FAM107B: variants seen among roughly 807,000 people sequenced by gnomAD.
FAM107B encodes the protein family with sequence similarity 107 member B, also known as protein FAM107B.
A neutral mutation model predicts 31.5 loss-of-function variants in FAM107B; 21 were observed. The ratio of observed to expected loss-of-function variants is 0.67; its 90% CI spans 0.47 to 0.96. The LOEUF is 0.96. Among genes scored for constraint, FAM107B ranks in the 40% least tolerant of loss-of-function variants. The probability of loss-of-function intolerance (pLI) is 0.00; values close to 1 mark genes in which losing one functional copy is unlikely to be tolerated. For missense variants in FAM107B, 452 were observed against 377.1 expected, an observed-to-expected ratio of 1.20 and a Z score of -1.64; for synonymous variants, 157 against 141.5, an observed-to-expected ratio of 1.11 and a Z score of -0.78.
At chr10:14,548,814 ACACATG>A (rs1245502612) in intron 2 of FAM107B, 1 of 125,362 alleles carries the variant, frequency 8.0e-6, no homozygotes, top group Non-Finnish European at 1.5e-5. Context: ...CTCTACAAGT[ACACATG>A]CACACGCACA....
At chr10:14,570,233 G>GGTGGGT (rs768204428) in intron 2 of FAM107B, among the ~76,000 whole-genome samples, 395 of 140,424 alleles carry the variant, frequency 2.8e-3, no homozygotes, top group African/African-American at 9.7e-3. Flanking sequence ...AAATGTGGTG[G>GGTGGGT]GTGTGTGTGT....
intron 1 of FAM107B, among the ~76,000 whole-genome samples, chr10:14,698,770 C>T (rs1224864384): frequency 6.6e-6 from 1 of 152,196 alleles, no homozygotes; most frequent in Non-Finnish European, 1.5e-5. Context: ...AATTAGAAGA[C>T]GTTGCCCGGC....
chr10:14,552,817 C>A (rs1229853738), intron 2 of FAM107B, among the ~76,000 whole-genome samples: 1 of 151,304 alleles, frequency 6.6e-6, no homozygotes, highest in Admixed American at 6.6e-5. Context: ...GAGTAAGACT[C>A]CATTAAAAAA....
intron 1 of FAM107B, among the ~76,000 whole-genome samples, chr10:14,769,806 T>C (rs1833260051): frequency 6.6e-6 from 1 of 152,258 alleles, no homozygotes. Flanking sequence ...TTACAACTGC[T>C]ATAGGAAGAC....
intron 2 of FAM107B, among the ~76,000 whole-genome samples, chr10:14,575,947 T>C (rs554672359): frequency 6.6e-6 from 1 of 152,192 alleles, no homozygotes; most frequent in Non-Finnish European, 1.5e-5. Flanking sequence ...TGCTACCACA[T>C]AGACAGGTCT....
chr10:14,691,765 G>A (rs1012077451), intron 1 of FAM107B, among the ~76,000 whole-genome samples: 22 of 152,026 alleles, frequency 1.4e-4, no homozygotes, highest in Non-Finnish European at 2.1e-4. Flanking sequence ...ATGGTGGCAG[G>A]TGGCTATAAT....
At chr10:14,615,770 C>G (rs893251491) in intron 2 of FAM107B, among the ~76,000 whole-genome samples, 1 of 152,208 alleles carries the variant, frequency 6.6e-6, no homozygotes, top group Non-Finnish European at 1.5e-5. Flanking sequence ...AAGCACCATT[C>G]CATACTCGAG....
chr10:14,553,529 C>G (rs774575317), intron 2 of FAM107B: 8 of 378,968 alleles, frequency 2.1e-5, no homozygotes, highest in Non-Finnish European at 3.4e-5. Flanking sequence ...AGGAAGTTCT[C>G]TGGTCCCTGG....
At chr10:14,771,243 C>A (rs1833295822) in intron 1 of FAM107B, among the ~76,000 whole-genome samples, 2 of 152,154 alleles carry the variant, frequency 1.3e-5, no homozygotes, top group Admixed American at 6.6e-5. Flanking sequence ...TTGTCACTCA[C>A]AGGATGCAAA....
intron 2 of FAM107B, among the ~76,000 whole-genome samples, chr10:14,568,597 G>A (rs1301084516): frequency 1.3e-5 from 2 of 150,834 alleles, no homozygotes; most frequent in African/African-American, 4.9e-5. Flanking sequence ...GGTTAGACCA[G>A]GAGGTGAAGA....
At chr10:14,605,946 ATGGTGG>A (rs1852577398) in intron 2 of FAM107B, among the ~76,000 whole-genome samples, 3 of 152,106 alleles carry the variant, frequency 2.0e-5, no homozygotes, top group African/African-American at 7.2e-5. Flanking sequence ...CAGTCACAAT[ATGGTGG>A]CAGGGGTTTC....
chr10:14,526,373 G>A (rs7079681), intron 3 of FAM107B, among the ~76,000 whole-genome samples: 11 of 152,026 alleles, frequency 7.2e-5, no homozygotes, highest in Non-Finnish European at 1.2e-4. Flanking sequence ...ATGGGGTTGC[G>A]CCATGTTGGC....
chr10:14,604,136 C>G, intron 2 of FAM107B: 1 of 768,888 alleles, frequency 1.3e-6, no homozygotes, highest in African/African-American at 1.9e-5. Context: ...CCCGGCCGCC[C>G]GCCCGCCGAG....
rs533690129 is a variant in FAM107B at position 14,754,748 on chromosome 10, A to G, written c.411+19505T>C. On this transcript the variant is annotated intron_variant, in intron 1 of 4. Transcript: ENST00000181796. ...AAGCTGTACTTTTCTTAGTCGTTTG[A>G]GCTGTGATTTGTGCCTGTAAGATGC... Among the ~76,000 whole-genome samples, 41 of 152,298 alleles carry G rather than the reference A, an allele frequency of 2.7e-4. No individual in the cohort carries two copies. In the South Asian group the frequency reaches 8.1e-3, roughly 30 times the overall value.
chr10:14,655,019 T>C (rs919323508), intron 2 of FAM107B, among the ~76,000 whole-genome samples: 4 of 152,196 alleles, frequency 2.6e-5, no homozygotes, highest in African/African-American at 9.6e-5. Context: ...ATTTGACTCA[T>C]GGTTCTGCAG....
At chr10:14,604,564 C>G (rs1852535368) in intron 2 of FAM107B, 1 of 151,462 alleles carries the variant, frequency 6.6e-6, no homozygotes, top group Admixed American at 6.6e-5. Flanking sequence ...GCATCCGCGC[C>G]GGGAGGGGCA....
intron 2 of FAM107B, chr10:14,572,086 G>C: frequency 6.1e-6 from 6 of 985,408 alleles, no homozygotes; most frequent in Non-Finnish European, 7.2e-6. Context: ...GATATCAAAA[G>C]AGCCACAGTT....
intron 2 of FAM107B, among the ~76,000 whole-genome samples, chr10:14,613,379 T>C (rs1354938940): frequency 6.6e-6 from 1 of 152,236 alleles, no homozygotes; most frequent in Non-Finnish European, 1.5e-5. Flanking sequence ...TGACCATTCT[T>C]AGCTTGATTT....
chr10:14,543,313 G>A (rs1397491929), intron 2 of FAM107B, among the ~76,000 whole-genome samples: 1 of 152,102 alleles, frequency 6.6e-6, no homozygotes, highest in Admixed American at 6.5e-5. Flanking sequence ...TGAATTGCAA[G>A]AAGAAAACTA....
Sources: gnomAD v4.1 joint callset for allele counts (sites outside exome capture counted in the v4.1 genomes callset) on GRCh38, gnomAD v4.1.1 for gene constraint, MANE v1.5 for transcripts, NCBI Gene and HGNC (gene_info 2026-07-23, HGNC 2026-07-21) for gene names.